SLC30A1: variants seen among roughly 807,000 people sequenced by gnomAD.
The protein encoded by SLC30A1 is proton-coupled zinc antiporter SLC30A1.
Under a neutral mutation model 29.8 loss-of-function variants are expected in SLC30A1, and 7 were observed. That is an observed-to-expected ratio of 0.23 (90% CI 0.13 to 0.44). SLC30A1 has a LOEUF of 0.44. Among genes scored for constraint, SLC30A1 ranks in the 20% least tolerant of loss-of-function variants. The pLI is 1.00. For missense variants in SLC30A1, 446 were observed against 647.9 expected (o/e 0.69, Z 3.38); for synonymous variants, 254 against 253.5 (o/e 1.00, Z -0.02).
Position 211,577,431 on chromosome 1 carries a change from A to T in SLC30A1, c.622+560T>A, listed in dbSNP as rs924846149. ...GGATTAGGGATCAATTAGCTGAAGC[A>T]TACACTGCTGTTCATAAAAGAAACC... On this transcript the variant is annotated intron_variant, in intron 1 of 1. Transcript: ENST00000367001. The surrounding 1 kb of genome is among the most constrained non-coding windows in gnomAD (Gnocchi z 4.5). Among the ~76,000 whole-genome samples the T allele has an allele frequency of 1.3e-5, 2 of 152,238 alleles. No individual in the cohort carries two copies. The highest frequency in any genetic ancestry group is 4.8e-5 in the African/African-American group (2 of 41,470).
rs764033197 is a variant in SLC30A1 at position 211,576,177 on chromosome 1, C to A, written c.735G>T (p.Met245Ile). ...LEEDRAGQLN[M>I]RGVFLHVLGD... The stretch of plus-strand genomic sequence containing the variant: ...CAAGGACATGCAGAAAAACTCCACG[C>A]ATGTTAAGTTGTCCAGCCCTATCTT... Residue 245 changes from methionine to isoleucine, a missense_variant, in exon 2 of 2, where the codon ATG (methionine) becomes ATT (isoleucine). Physicochemically the swap from Met to Ile is conservative, Grantham distance 10. Transcript: ENST00000367001. 14 of 1,614,026 alleles carry A rather than the reference C, an allele frequency of 8.7e-6. No individual in the cohort carries two copies. The highest frequency in any genetic ancestry group is 3.3e-4 in the Middle Eastern group (2 of 6,062).
Position 211,578,456 on chromosome 1 carries a change from CCACCAGCGCCAG to C in SLC30A1, c.145_156del (p.Leu49_Val52del), listed in dbSNP as rs1212648562. On this transcript the variant is annotated inframe_deletion, in exon 1 of 2. Transcript: ENST00000367001. ...GCGAAGCGCTCGGCCACCAGCGCCA[CCACCAGCGCCAG>C]CACGTCCGACAGCATGTGGAAGGAG... is the stretch of plus-strand genomic sequence containing the variant. 1.9e-6 allele frequency: 3 copies of C among 1,612,310 alleles called. No individual in the cohort carries two copies. Among genetic ancestry groups the C allele is most frequent in the Non-Finnish European group, 2.5e-6 (3 of 1,179,568 alleles).
rs1412466977 is a variant in SLC30A1, at chr1:211,573,463, GAATGT to G, written c.*1920_*1924del. On this transcript the variant is annotated 3_prime_UTR_variant, in exon 2 of 2. Coordinates refer to ENST00000367001, the MANE Select transcript of SLC30A1 (RefSeq NM_021194.3). ...GAGCATTTGTAAAGAAAACCTCATT[GAATGT>G]AATATATTTTATCAGTTATCTTTGT... 5 of 151,966 alleles carry G rather than the reference GAATGT, an allele frequency of 3.3e-5. No individual in the cohort carries two copies. Among genetic ancestry groups the G allele is most frequent in the African/African-American group, 4.8e-5 (2 of 41,416 alleles). 9.4% of individuals were successfully genotyped at this position (151,966 alleles called of 1,614,324 possible).
Position 211,575,984 on chromosome 1 carries a change from G to C in SLC30A1, c.928C>G (p.Pro310Ala). Reference sequence around the variant, plus strand: ...GGATCTAAATATAGCACCCAGCAAGGACCAGCCTCATAAACTGATGCATGA... The same window carrying C: ...GGATCTAAATATAGCACCCAGCAAGCACCAGCCTCATAAACTGATGCATGA... ...STHASVYEAG[P>A]CWVLYLDPTL... The change falls in exon 2 of 2, where the codon CCT (proline) becomes GCT (alanine). Residue 310 changes from proline to alanine, a missense_variant. Pro to Ala is a conservative substitution (Grantham distance 27). Transcript: ENST00000367001. The surrounding 1 kb of genome is among the most constrained non-coding windows in gnomAD (Gnocchi z 6.0). 6.2e-7 allele frequency: 1 copy of C among 1,613,706 alleles called. No individual in the cohort carries two copies. The highest frequency in any genetic ancestry group is 8.5e-7 in the Non-Finnish European group (1 of 1,179,820).
Position 211,575,295 on chromosome 1 carries a change from C to A in SLC30A1, c.*93G>T. On this transcript the variant is annotated 3_prime_UTR_variant, in exon 2 of 2. Coordinates refer to ENST00000367001, the MANE Select transcript of SLC30A1 (RefSeq NM_021194.3). The surrounding 1 kb of genome is among the most constrained non-coding windows in gnomAD (Gnocchi z 6.0). Reference sequence around the variant, plus strand: ...AAACTGTGTGACCAGACAAGGACTTCAATTACACTACTTGGCAAACTTAGA... The same window carrying A: ...AAACTGTGTGACCAGACAAGGACTTAAATTACACTACTTGGCAAACTTAGA... The A allele has an allele frequency of 9.4e-7, 1 of 1,065,178 alleles. No homozygotes were observed. Among genetic ancestry groups the A allele is most frequent in the Non-Finnish European group, 1.4e-6 (1 of 728,260 alleles). 66.0% of individuals were successfully genotyped at this position (1,065,178 alleles called of 1,614,324 possible). A position where few individuals can be genotyped will look rare whatever the true frequency, so the allele number is the denominator to read the frequency against.
Position 211,578,270 on chromosome 1 carries a change from C to G in SLC30A1, c.343G>C (p.Val115Leu), listed in dbSNP as rs377184136. The change falls in exon 1 of 2, where the codon GTG (valine) becomes CTG (leucine). Residue 115 changes from valine to leucine, a missense_variant. Val to Leu is a conservative substitution (Grantham distance 32). Around this residue, in one of 5 missense-constraint regions of SLC30A1, gnomAD observed 37 missense variants for 64.0 expected, o/e 0.58. Coordinates refer to ENST00000367001, the MANE Select transcript of SLC30A1 (RefSeq NM_021194.3). ...IEPHEMQQPL[V>L]VLGVGVAGLL... ...CCGGCCACGCCGACCCCAAGGACCA[C>G]CAGCGGCTGCTGCATCTCGTGCGGC... The G allele has an allele frequency of 6.2e-7, 1 of 1,612,208 alleles. No homozygotes were observed. The highest frequency in any genetic ancestry group is 1.7e-5 in the Admixed American group (1 of 59,882).
In SLC30A1 at chr1:211,576,196, C is replaced by G. The variant is rs144324612; in HGVS notation, c.716G>C (p.Arg239Thr). ...TCCACGCATGTTAAGTTGTCCAGCC[C>G]TATCTTCTTCCAGTTCCATATGGTC... is the stretch of plus-strand genomic sequence containing the variant. Reference protein sequence around the residue: ...EPDHMELEEDRAGQLNMRGVF... With the variant: ...EPDHMELEEDTAGQLNMRGVF... The change falls in exon 2 of 2, where the codon AGG becomes ACG. Residue 239 changes from arginine to threonine, a missense_variant. Physicochemically the swap from Arg to Thr is moderately conservative, Grantham distance 71. This residue lies in a region of SLC30A1 where 159 missense variants were observed against 161.1 expected (regional missense o/e 0.99). Coordinates refer to ENST00000367001, the MANE Select transcript of SLC30A1 (RefSeq NM_021194.3). 11 of 1,613,402 alleles carry G rather than the reference C, an allele frequency of 6.8e-6. No homozygotes were observed. The highest frequency in any genetic ancestry group is 1.3e-5 in the African/African-American group (1 of 74,932).
chr1:211,576,628 T>C (rs111527767), intron 1 of SLC30A1, among the ~76,000 whole-genome samples: 124 of 152,330 alleles, frequency 8.1e-4, no homozygotes, highest in African/African-American at 2.9e-3. Context: ...TAAAATTGAA[T>C]GCTAACACCA....
In SLC30A1 at chr1:211,573,573, A is replaced by G. The variant is rs1325736682; in HGVS notation, c.*1815T>C. ...AAGTATTAAATCAGGAATGTACATG[A>G]TACAGTACAATTCACAGCTTTCTCT... On this transcript the variant is annotated 3_prime_UTR_variant, in exon 2 of 2. Coordinates refer to ENST00000367001, the MANE Select transcript of SLC30A1 (RefSeq NM_021194.3). The G allele has an allele frequency of 6.6e-6, 1 of 152,082 alleles. No homozygotes were observed. Among genetic ancestry groups the G allele is most frequent in the East Asian group, 1.9e-4 (1 of 5,204 alleles). 9.4% of individuals were successfully genotyped at this position (152,082 alleles called of 1,614,324 possible). A position where few individuals can be genotyped will look rare whatever the true frequency, so the allele number is the denominator to read the frequency against.
rs1430647959 is a variant in SLC30A1 at position 211,573,595 on chromosome 1, C to T, written c.*1793G>A. On this transcript the variant is annotated 3_prime_UTR_variant, in exon 2 of 2. Coordinates refer to ENST00000367001, the MANE Select transcript of SLC30A1 (RefSeq NM_021194.3). Reference sequence around the variant, plus strand: ...ATGATACAGTACAATTCACAGCTTTCTCTTCTTGTTCGCCCAGATGAGATC... The same window carrying T: ...ATGATACAGTACAATTCACAGCTTTTTCTTCTTGTTCGCCCAGATGAGATC... The T allele has an allele frequency of 6.6e-6, 1 of 151,990 alleles. No individual in the cohort carries two copies. 9.4% of individuals were successfully genotyped at this position (151,990 alleles called of 1,614,324 possible).
In SLC30A1 at chr1:211,578,093, C is replaced by T; in HGVS notation, c.520G>A (p.Asp174Asn). ...TGCTCGCCCGGGGCCACGTTGATGT[C>T]GCTGCTCCCGGGGCGGGTGCTCTTA... ...RVKSTRPGSS[D>N]INVAPGEQGP... is the part of the protein sequence containing the mutation. The change falls in exon 1 of 2, where the codon GAC becomes AAC. Residue 174 changes from aspartate (D) to asparagine (N), a missense_variant. Around this residue, in one of 5 missense-constraint regions of SLC30A1, gnomAD observed 159 missense variants for 161.1 expected, o/e 0.99. Coordinates refer to ENST00000367001, the MANE Select transcript of SLC30A1 (RefSeq NM_021194.3). 1 of 1,611,704 alleles carries T rather than the reference C, an allele frequency of 6.2e-7. No homozygotes were observed. Among genetic ancestry groups the T allele is most frequent in the Non-Finnish European group, 8.5e-7 (1 of 1,179,320 alleles).
Position 211,577,994 on chromosome 1 carries a change from C to T in SLC30A1, c.619G>A (p.Ala207Thr), listed in dbSNP as rs761603085. The change falls in exon 1 of 2, where the codon GCA becomes ACA. Residue 207 changes from alanine (A) to threonine (T), a missense_variant. Physicochemically the swap from Ala to Thr is moderately conservative, Grantham distance 58. Coordinates refer to ENST00000367001, the MANE Select transcript of SLC30A1 (RefSeq NM_021194.3). This position sits in a 1 kb window ranked among gnomAD's most constrained non-coding sequence, Gnocchi z 4.5. ...GGCAGCGACTTTCCCGGCTCACCTG[C>T]GGGGTCCAATTTCAGCCCGTTGGAG... ...SNSNGLKLDP[A>T]DPENPRSGDT... The T allele has an allele frequency of 1.1e-5, 17 of 1,612,754 alleles. No homozygotes were observed. Among genetic ancestry groups the T allele is most frequent in the Non-Finnish European group, 1.4e-5 (17 of 1,179,808 alleles).
rs760323046 is a variant in SLC30A1 at position 211,575,954 on chromosome 1, G to C, written c.958C>G (p.Leu320Val). 6.2e-7 allele frequency: 1 copy of C among 1,613,324 alleles called. No individual in the cohort carries two copies. Among genetic ancestry groups the C allele is most frequent in the South Asian group, 1.1e-5 (1 of 90,950 alleles). ...PCWVLYLDPT[L>V]CVVMVCILLY... ...AGTATACAAACCATTACAACACAAA[G>C]AGTTGGATCTAAATATAGCACCCAG... Residue 320 changes from leucine to valine, a missense_variant, in exon 2 of 2, where the codon CTT becomes GTT. Around this residue, in one of 5 missense-constraint regions of SLC30A1, gnomAD observed 187 missense variants for 312.7 expected, o/e 0.60. Coordinates refer to ENST00000367001, the MANE Select transcript of SLC30A1 (RefSeq NM_021194.3). The surrounding 1 kb of genome is among the most constrained non-coding windows in gnomAD (Gnocchi z 6.0).
Position 211,577,851 on chromosome 1 carries a change from A to T in SLC30A1, c.622+140T>A, listed in dbSNP as rs1706739492. On this transcript the variant is annotated intron_variant, in intron 1 of 1. Transcript: ENST00000367001. This position sits in a 1 kb window ranked among gnomAD's most constrained non-coding sequence, Gnocchi z 4.5. Reference sequence around the variant, plus strand: ...GGAGCAGCAGCGGGGCGTGTGCAGGACGGGGAGGGAGCAGGCAGGGGCGGC... The same window carrying T: ...GGAGCAGCAGCGGGGCGTGTGCAGGTCGGGGAGGGAGCAGGCAGGGGCGGC... The T allele has an allele frequency of 8.7e-7, 1 of 1,144,898 alleles. No individual in the cohort carries two copies. The allele number at this position is 1,144,898 out of a possible 1,614,324, so 70.9% of individuals were successfully genotyped here. A position where few individuals can be genotyped will look rare whatever the true frequency, so the allele number is the denominator to read the frequency against.
At chr1:211,576,526 GCCT>G in intron 1 of SLC30A1, among the ~76,000 whole-genome samples, 1 of 152,210 alleles carries the variant, frequency 6.6e-6, no homozygotes, top group South Asian at 2.1e-4. Context: ...CCACTCTCCT[GCCT>G]CCTCCTCTCC....
chr1:211,575,302 A>C lies in SLC30A1; in HGVS notation c.*86T>G. The C allele has an allele frequency of 8.6e-7, 1 of 1,157,148 alleles. No individual in the cohort carries two copies. The highest frequency in any genetic ancestry group is 1.2e-6 in the Non-Finnish European group (1 of 811,284). 71.7% of individuals were successfully genotyped at this position (1,157,148 alleles called of 1,614,324 possible). On this transcript the variant is annotated 3_prime_UTR_variant, in exon 2 of 2. Transcript: ENST00000367001. The surrounding 1 kb of genome is among the most constrained non-coding windows in gnomAD (Gnocchi z 6.0). Reference sequence around the variant, plus strand: ...GTGACCAGACAAGGACTTCAATTACACTACTTGGCAAACTTAGAATTTCAG... The same window carrying C: ...GTGACCAGACAAGGACTTCAATTACCCTACTTGGCAAACTTAGAATTTCAG...
Position 211,578,037 on chromosome 1 carries a change from C to T in SLC30A1, c.576G>A (p.Leu192=). ...QGPDQEETNT[L]VANTSNSNGL... ...CGTTGGAGTTGCTGGTATTGGCCAC[C>T]AGGGTGTTGGTCTCCTCCTGGTCGG... Residue 192 remains leucine (L), a synonymous_variant, in exon 1 of 2, where the codon CTG becomes CTA. Transcript: ENST00000367001. 1 of 1,613,242 alleles carries T rather than the reference C, an allele frequency of 6.2e-7. No homozygotes were observed.
In SLC30A1 at chr1:211,573,362, C is replaced by G. The variant is rs1706676176; in HGVS notation, c.*2026G>C. The G allele has an allele frequency of 6.6e-6, 1 of 152,010 alleles. No individual in the cohort carries two copies. Among genetic ancestry groups the G allele is most frequent in the South Asian group, 2.1e-4 (1 of 4,824 alleles). The allele number at this position is 152,010 out of a possible 1,614,324, so 9.4% of individuals were successfully genotyped here. A position where few individuals can be genotyped will look rare whatever the true frequency, so the allele number is the denominator to read the frequency against. ...TAGCCCTTGTCCTATGCTTATATAC[C>G]ATTTTTTAAAATCCTCATTCAGTTG... On this transcript the variant is annotated 3_prime_UTR_variant, in exon 2 of 2. Coordinates refer to ENST00000367001, the MANE Select transcript of SLC30A1 (RefSeq NM_021194.3).
In SLC30A1 at chr1:211,577,542, C is replaced by T. The variant is rs1706734406; in HGVS notation, c.622+449G>A. Among the ~76,000 whole-genome samples the T allele has an allele frequency of 6.6e-6, 1 of 152,198 alleles. No homozygotes were observed. The highest frequency in any genetic ancestry group is 2.4e-5 in the African/African-American group (1 of 41,440). ...AACTACTTTGGCAGAGCAAGGTTTCCAGCACCCAACTACTGGGGACGAATT... is the reference window on the plus strand; with the variant it reads ...AACTACTTTGGCAGAGCAAGGTTTCTAGCACCCAACTACTGGGGACGAATT... On this transcript the variant is annotated intron_variant, in intron 1 of 1. Coordinates refer to ENST00000367001, the MANE Select transcript of SLC30A1 (RefSeq NM_021194.3). The surrounding 1 kb of genome is among the most constrained non-coding windows in gnomAD (Gnocchi z 4.5).
Sources: gnomAD v4.1 joint callset for allele counts (sites outside exome capture counted in the v4.1 genomes callset) on GRCh38, gnomAD v4.1.1 for gene constraint, gnomAD v4.1.1 regional missense constraint, Gnocchi (gnomAD v3.1) non-coding constraint, MANE v1.5 for transcripts, NCBI Gene and HGNC (gene_info 2026-07-23, HGNC 2026-07-21) for gene names.